Variants in PDPN observed in about 807,000 individuals in gnomAD.
PDPN encodes the protein PA2.26 antigen.
Under a neutral mutation model 23.2 loss-of-function variants are expected in PDPN, and 12 were observed. The ratio of observed to expected loss-of-function variants is 0.52; its 90% CI spans 0.33 to 0.84. PDPN has a LOEUF of 0.84. PDPN is among the 40% of genes least tolerant of loss of function. The pLI is 0.02. For synonymous variants in PDPN, 77 were observed against 76.7 expected (o/e 1.00, Z -0.02); for missense variants, 199 against 212.2 (o/e 0.94, Z 0.39).
In PDPN at chr1:13,616,221, A is replaced by G. The variant is rs1641070411; in HGVS notation, c.*310A>G. 2.3e-6 allele frequency: 1 copy of G among 441,304 alleles called. No individual in the cohort carries two copies. The allele number at this position is 441,304 out of a possible 1,614,324, so 27.3% of individuals were successfully genotyped here. A position where few individuals can be genotyped will look rare whatever the true frequency, so the allele number is the denominator to read the frequency against. On this transcript the variant is annotated 3_prime_UTR_variant, in exon 6 of 6. Transcript: ENST00000621990. ...ACTGATTTGTAACTAACACTGGACC[A>G]TTGGATCGATATTATATGCTGTAAC...
chr1:13,585,062 C>G (rs1363500210), intron 1 of PDPN, among the ~76,000 whole-genome samples: 1 of 152,210 alleles, frequency 6.6e-6, no homozygotes, highest in Admixed American at 6.5e-5. Flanking sequence ...ACGGCCAAAA[C>G]AATGCCTGGC....
chr1:13,612,390 T>G (rs1161421733), intron 3 of PDPN, among the ~76,000 whole-genome samples: 1 of 152,110 alleles, frequency 6.6e-6, no homozygotes, highest in East Asian at 1.9e-4. Context: ...TCCACAAACT[T>G]TAGTAATATA....
At chr1:13,610,302 C>A in intron 2 of PDPN, 85 bp from the exon 3 acceptor site, 1 of 1,170,556 alleles carries the variant, frequency 8.5e-7, no homozygotes, top group Non-Finnish European at 1.2e-6. Flanking sequence ...TTTTATGCCA[C>A]CTTAAATCCT....
Position 13,589,745 on chromosome 1 carries a change from C to T in PDPN, c.67+5645C>T, listed in dbSNP as rs1427603595. ...TGCTTGGAATAGCTTGAATCCGTGC[C>T]ACTGAGGACACCCAGAAAAGCGAGA... On this transcript the variant is annotated intron_variant, in intron 1 of 5. Transcript: ENST00000621990. Among the ~76,000 whole-genome samples, 5 of 152,200 alleles carry T rather than the reference C, an allele frequency of 3.3e-5. No individual in the cohort carries two copies. In the East Asian group the frequency reaches 9.6e-4, roughly 29 times the overall value.
chr1:13,615,893 C>T lies in PDPN; in HGVS notation c.483-12C>T. ...TAAGAGACACGACCGTCACCCTTCT[C>T]TATTTTCACAGGCCCTAAAGAGCTG... On this transcript the variant is annotated splice_polypyrimidine_tract_variant and intron_variant, in intron 5 of 5. Transcript: ENST00000621990. 2 of 1,612,934 alleles carry T rather than the reference C, an allele frequency of 1.2e-6. No individual in the cohort carries two copies. The highest frequency in any genetic ancestry group is 1.1e-5 in the South Asian group (1 of 91,050).
At chr1:13,607,050 G>A (rs1640806121) in intron 1 of PDPN, 123 bp from the exon 2 acceptor site, 1 of 1,096,720 alleles carries the variant, frequency 9.1e-7, no homozygotes, top group Admixed American at 2.3e-5. Flanking sequence ...CCACAAAAAG[G>A]ACCAAAAATA....
chr1:13,591,130 C>G (rs1371123527), intron 1 of PDPN, among the ~76,000 whole-genome samples: 1 of 151,918 alleles, frequency 6.6e-6, no homozygotes, highest in Non-Finnish European at 1.5e-5. Flanking sequence ...TCAATAGAGA[C>G]GGGGTTTCAT....
In PDPN at chr1:13,610,521, GA is replaced by G; in HGVS notation, c.331+9del. The G allele has an allele frequency of 6.2e-7, 1 of 1,612,344 alleles. No homozygotes were observed. ...TGGCCACCAGTCACTCCACGGGTAA[GA>G]AAACCAGCCACCTCCATGGGGGCTG... On this transcript the variant is annotated splice_donor_region_variant and intron_variant, in intron 3 of 5. Transcript: ENST00000621990.
At chr1:13,608,144 T>A (rs1640840500) in intron 2 of PDPN, among the ~76,000 whole-genome samples, 1 of 152,144 alleles carries the variant, frequency 6.6e-6, no homozygotes, top group East Asian at 1.9e-4. Flanking sequence ...AGTCTCAATT[T>A]GTTTTCTCAC....
chr1:13,615,854 A>G (rs772212844), intron 5 of PDPN, 51 bp from the exon 6 acceptor site: 2 of 1,566,542 alleles, frequency 1.3e-6, no homozygotes, highest in Non-Finnish European at 1.8e-6. Context: ...CGGAGTTACT[A>G]TTCACAATGC....
intron 1 of PDPN, chr1:13,584,331 C>A (rs1640119312): frequency 6.7e-7 from 1 of 1,488,666 alleles, no homozygotes; most frequent in South Asian, 1.3e-5. Flanking sequence ...CCGGAATCCA[C>A]AGGCTGCGAG....
intron 1 of PDPN, among the ~76,000 whole-genome samples, chr1:13,596,810 G>A (rs1446983765): frequency 6.6e-6 from 1 of 152,106 alleles, no homozygotes; most frequent in Admixed American, 6.5e-5. Flanking sequence ...CCTGATTGCC[G>A]GAACCCACTT....
At chr1:13,603,771 T>C (rs1640709887) in intron 1 of PDPN, among the ~76,000 whole-genome samples, 1 of 152,118 alleles carries the variant, frequency 6.6e-6, no homozygotes, top group African/African-American at 2.4e-5. Flanking sequence ...GTATTTTTAG[T>C]AGAGACGGGG....
Position 13,595,526 on chromosome 1 carries a change from C to T in PDPN, c.67+11426C>T, listed in dbSNP as rs181775303. Among the ~76,000 whole-genome samples the T allele has an allele frequency of 1.1e-4, 16 of 152,294 alleles. 2 individuals carry two copies. The highest frequency in any genetic ancestry group is 2.9e-4 in the African/African-American group (12 of 41,562). On this transcript the variant is annotated intron_variant, in intron 1 of 5. Coordinates refer to ENST00000621990, the MANE Select transcript of PDPN (RefSeq NM_006474.5). ...CCTCCCAGTTTGTAGTCAGGGAAAG[C>T]GGTTTCACATCTTCACGTGCTGGAT... is the stretch of plus-strand genomic sequence containing the variant.
intron 1 of PDPN, among the ~76,000 whole-genome samples, chr1:13,597,914 G>A (rs897716069): frequency 1.3e-5 from 2 of 152,110 alleles, no homozygotes; most frequent in Non-Finnish European, 2.9e-5. Context: ...AATCGAGGCT[G>A]CAGTGAGCCA....
chr1:13,591,505 T>C (rs1256172892), intron 1 of PDPN, among the ~76,000 whole-genome samples: 2 of 152,120 alleles, frequency 1.3e-5, no homozygotes, highest in Admixed American at 6.6e-5. Flanking sequence ...TCAGCAGTCA[T>C]TCCCATTTCC....
intron 2 of PDPN, among the ~76,000 whole-genome samples, chr1:13,609,683 A>G (rs1640884402): frequency 6.6e-6 from 1 of 152,156 alleles, no homozygotes; most frequent in Non-Finnish European, 1.5e-5. Flanking sequence ...ATCATATAGT[A>G]CTTGTCTTTT....
chr1:13,584,245 CCGG>C, intron 1 of PDPN, 145 bp downstream of exon 1: 2 of 1,504,200 alleles, frequency 1.3e-6, no homozygotes, highest in Non-Finnish European at 1.8e-6. Flanking sequence ...CGGCTGAGCG[CCGG>C]AGGAGGAGAG....
chr1:13,607,101 G>T, intron 1 of PDPN, 72 bp from the exon 2 acceptor site: 1 of 1,478,660 alleles, frequency 6.8e-7, no homozygotes, highest in East Asian at 2.4e-5. Context: ...AAAATAATCC[G>T]AATGTAGCCG....
Sources: allele counts gnomAD v4.1 joint callset (sites outside exome capture counted in the v4.1 genomes callset), GRCh38; gene constraint gnomAD v4.1.1; transcripts MANE v1.5; gene names NCBI Gene and HGNC (gene_info 2026-07-23, HGNC 2026-07-21).